MLLT10: variants seen among roughly 807,000 people sequenced by gnomAD.
MLLT10 encodes the protein MLLT10 histone lysine methyltransferase DOT1L cofactor, also known as protein AF-10.
In MLLT10, 30 loss-of-function variants were observed where a neutral mutation model predicts 129.1. That is an observed-to-expected ratio of 0.23 (90% CI 0.17 to 0.32). The LOEUF (loss-of-function observed/expected upper bound fraction) is 0.32. Ranked by LOEUF, MLLT10 falls within the 10% of genes least tolerant of loss-of-function variation. MLLT10 has a pLI of 1.00. For synonymous variants in MLLT10, 490 were observed against 446.4 expected, an observed-to-expected ratio of 1.10 and a Z score of -1.23; for missense variants, 1,119 against 1,268.3, an observed-to-expected ratio of 0.88 and a Z score of 1.79.
chr10:21,726,349 C>A lies in MLLT10; in HGVS notation c.1984C>A (p.Gln662Lys). The stretch of plus-strand genomic sequence containing the variant: ...TCTTATAGCTCAGTCTGAAAACAAT[C>A]AAACAGGTAAGTTTTCAAGAATTAC... ...AALIAQSENN[Q>K]TDQDLGDNSR... The change falls in exon 15 of 23, where the codon CAA becomes AAA. Residue 662 changes from glutamine (Q) to lysine (K), a missense_variant. By Grantham distance (53) the Gln-to-Lys change is moderately conservative. Coordinates refer to ENST00000307729, the MANE Select transcript of MLLT10 (RefSeq NM_001195626.3). The A allele has an allele frequency of 6.2e-7, 1 of 1,604,636 alleles. No individual in the cohort carries two copies. The highest frequency in any genetic ancestry group is 1.1e-5 in the South Asian group (1 of 90,422).
At chr10:21,535,628 G>C (rs2033830750) in intron 2 of MLLT10, among the ~76,000 whole-genome samples, 1 of 152,192 alleles carries the variant, frequency 6.6e-6, no homozygotes, top group East Asian at 1.9e-4. Context: ...TACTTTTCTG[G>C]CCTTTGAAGT....
intron 3 of MLLT10, among the ~76,000 whole-genome samples, chr10:21,570,876 T>C (rs185499034): frequency 6.6e-6 from 1 of 152,162 alleles, no homozygotes; most frequent in Non-Finnish European, 1.5e-5. Context: ...GTAAGTCTTA[T>C]AAATTTTGAT....
chr10:21,594,774 C>T (rs1172205489), intron 4 of MLLT10, among the ~76,000 whole-genome samples: 2 of 150,096 alleles, frequency 1.3e-5, no homozygotes, highest in African/African-American at 2.5e-5. Context: ...GCGGAGGTTG[C>T]GGTGAGCCGA....
Position 21,596,649 on chromosome 10 carries a change from AT to A in MLLT10, c.405+1210del, listed in dbSNP as rs1482384528. Among the ~76,000 whole-genome samples, 12 of 151,494 alleles carry A rather than the reference AT, an allele frequency of 7.9e-5. No individual in the cohort carries two copies. In the East Asian group the frequency reaches 9.6e-4, roughly 12 times the overall value. On this transcript the variant is annotated intron_variant, in intron 5 of 22. Coordinates refer to ENST00000307729, the MANE Select transcript of MLLT10 (RefSeq NM_001195626.3). ...TTCTTTCTAGTAAAAAAAAAAAAAA[AT>A]ATTAAAATGTTTGAAAGAGTTTGAG...
rs934904269 is a variant in MLLT10, at chr10:21,626,107, C to G, written c.699+8900C>G. On this transcript the variant is annotated intron_variant, in intron 8 of 22. Transcript: ENST00000307729. ...CCTTTGTGGACTCTTGCACCTAGCT[C>G]CCCTGTTTCTCTCTCTGCCTGTAGG... 3.1e-6 allele frequency: 5 copies of G among 1,609,182 alleles called. No individual in the cohort carries two copies. The African/African-American group carries it at 6.7e-5, about 22-fold the overall frequency.
At chr10:21,615,229 G>A (rs1364210999) in intron 7 of MLLT10, among the ~76,000 whole-genome samples, 8 of 151,804 alleles carry the variant, frequency 5.3e-5, no homozygotes, top group Non-Finnish European at 1.0e-4. Flanking sequence ...AGGCCGAGGC[G>A]GGTGGATCAC....
intron 8 of MLLT10, among the ~76,000 whole-genome samples, chr10:21,651,454 G>A (rs893935652): frequency 8.5e-5 from 13 of 152,140 alleles, no homozygotes; most frequent in African/African-American, 2.2e-4. Flanking sequence ...TTGTTTATTA[G>A]TATTATTTTA....
chr10:21,704,211 G>A (rs2055235590), intron 13 of MLLT10, among the ~76,000 whole-genome samples: 1 of 149,802 alleles, frequency 6.7e-6, no homozygotes, highest in Non-Finnish European at 1.5e-5. Flanking sequence ...GTTTTGCCGT[G>A]TTGGCCAGGC....
intron 3 of MLLT10, among the ~76,000 whole-genome samples, chr10:21,560,523 A>C (rs115580875): frequency 3.3e-5 from 5 of 151,758 alleles, no homozygotes; most frequent in African/African-American, 7.3e-5. Context: ...TGGAGCGTCA[A>C]CCTCCTGGGA....
chr10:21,669,022 G>C (rs1033701632), intron 9 of MLLT10: 1 of 1,382,728 alleles, frequency 7.2e-7, no homozygotes, highest in East Asian at 3.4e-5. Context: ...AAATTGACCT[G>C]CCCAGCATGG....
At chr10:21,713,709 T>G (rs1361434638) in intron 13 of MLLT10, 63 bp from the exon 14 acceptor site, 1 of 1,430,302 alleles carries the variant, frequency 7.0e-7, no homozygotes, top group Non-Finnish European at 9.6e-7. Flanking sequence ...GTTTACTGAT[T>G]ATGTGTGTCT....
At chr10:21,664,538 G>GC (rs199559735) in intron 9 of MLLT10, among the ~76,000 whole-genome samples, 5,391 of 151,926 alleles carry the variant, frequency 0.035, 137 homozygotes, top group South Asian at 0.074. Context: ...CTCGTGACCT[G>GC]CCCCCTCAGC....
chr10:21,598,620 A>G (rs1009096790), intron 5 of MLLT10, among the ~76,000 whole-genome samples: 1 of 152,222 alleles, frequency 6.6e-6, no homozygotes, highest in African/African-American at 2.4e-5. Flanking sequence ...GCGATGGCTT[A>G]TGCCTGTAAT....
intron 9 of MLLT10, among the ~76,000 whole-genome samples, chr10:21,664,591 G>GT (rs1312719393): frequency 2.6e-5 from 4 of 151,978 alleles, no homozygotes; most frequent in South Asian, 2.1e-4. Context: ...GGCTCTATGT[G>GT]TTTTTTATAA....
chr10:21,538,723 G>A (rs1030391136), intron 2 of MLLT10, 110 bp from the exon 3 acceptor site: 14 of 699,268 alleles, frequency 2.0e-5, no homozygotes, highest in East Asian at 1.8e-4. Flanking sequence ...TCTGTAAAGA[G>A]GTAGTTTACT....
intron 5 of MLLT10, among the ~76,000 whole-genome samples, chr10:21,610,567 G>T (rs1252383051): frequency 6.6e-6 from 1 of 151,634 alleles, no homozygotes; most frequent in African/African-American, 2.4e-5. Flanking sequence ...CCTGTGAAAT[G>T]GTTACTTCTC....
At chr10:21,632,639 A>T (rs1161103197) in intron 8 of MLLT10, among the ~76,000 whole-genome samples, 1 of 152,190 alleles carries the variant, frequency 6.6e-6, no homozygotes, top group Non-Finnish European at 1.5e-5. Flanking sequence ...CAGTTTGTTT[A>T]AAGTTTTGTA....
chr10:21,722,044 T>A (rs891196253), intron 14 of MLLT10, among the ~76,000 whole-genome samples: 1 of 151,842 alleles, frequency 6.6e-6, no homozygotes, highest in Non-Finnish European at 1.5e-5. Context: ...TAATCCTATA[T>A]ATTCTTATAT....
At chr10:21,701,954 T>A (rs957684861) in intron 13 of MLLT10, among the ~76,000 whole-genome samples, 1 of 151,726 alleles carries the variant, frequency 6.6e-6, no homozygotes, top group Non-Finnish European at 1.5e-5. Flanking sequence ...TTGAGACAGA[T>A]ACTCACTGTA....
Sources: allele counts gnomAD v4.1 joint callset (sites outside exome capture counted in the v4.1 genomes callset), GRCh38; gene constraint gnomAD v4.1.1; transcripts MANE v1.5; gene names NCBI Gene and HGNC (gene_info 2026-07-23, HGNC 2026-07-21).